TENM4: variants seen among roughly 807,000 people sequenced by gnomAD.
TENM4 encodes the protein teneurin transmembrane protein 4, also known as teneurin-4.
Under a neutral mutation model 243.3 loss-of-function variants are expected in TENM4, and 82 were observed. That is an observed-to-expected ratio of 0.34 (90% CI 0.28 to 0.40). The LOEUF is 0.40. Among genes scored for constraint, TENM4 ranks in the 10% least tolerant of loss-of-function variants. TENM4 has a pLI of 1.00. For synonymous variants in TENM4, 1,412 were observed against 1,456.3 expected (o/e 0.97, Z 0.69); for missense variants, 3,138 against 3,673.3 (o/e 0.85, Z 3.77).
intron 6 of TENM4, among the ~76,000 whole-genome samples, chr11:79,045,184 T>C (rs1859627763): frequency 6.6e-6 from 1 of 152,134 alleles, no homozygotes. Context: ...GTGAGAAAGT[T>C]GGCAGGAGCT....
intron 2 of TENM4, among the ~76,000 whole-genome samples, chr11:79,235,421 C>T (rs1357977665): frequency 1.3e-5 from 2 of 152,144 alleles, no homozygotes; most frequent in Admixed American, 6.5e-5. Context: ...AGACCTGGGA[C>T]GGATGAAGCT....
At chr11:79,285,375 TA>T (rs1856232132) in intron 2 of TENM4, among the ~76,000 whole-genome samples, 1 of 152,056 alleles carries the variant, frequency 6.6e-6, no homozygotes, top group Non-Finnish European at 1.5e-5. Context: ...GAAAAGGATG[TA>T]AAAAAATTGG....
At chr11:79,155,059 C>T (rs543554226) in intron 3 of TENM4, among the ~76,000 whole-genome samples, 5 of 152,306 alleles carry the variant, frequency 3.3e-5, no homozygotes, top group African/African-American at 1.2e-4. Flanking sequence ...TTCCCCTGCA[C>T]TCAGGGCCCT....
At chr11:79,104,743 G>A (rs1003006801) in intron 4 of TENM4, among the ~76,000 whole-genome samples, 3 of 152,232 alleles carry the variant, frequency 2.0e-5, no homozygotes, top group Admixed American at 1.3e-4. Flanking sequence ...CAAAGAGTAT[G>A]TGATATTACT....
chr11:78,792,811 C>T (rs757925363), intron 15 of TENM4, among the ~76,000 whole-genome samples: 1 of 152,140 alleles, frequency 6.6e-6, no homozygotes, highest in Non-Finnish European at 1.5e-5. Context: ...TTCTTAGAAA[C>T]TCATTTTCTC....
At chr11:79,222,786 G>C (rs186551455) in intron 2 of TENM4, among the ~76,000 whole-genome samples, 29 of 152,184 alleles carry the variant, frequency 1.9e-4, no homozygotes, top group Admixed American at 1.7e-3. Flanking sequence ...ACATTTGCTG[G>C]CTGCATAAAT....
intron 1 of TENM4, among the ~76,000 whole-genome samples, chr11:79,419,483 C>A (rs1042561529): frequency 2.0e-5 from 3 of 152,212 alleles, no homozygotes; most frequent in African/African-American, 7.2e-5. Context: ...GGCTACCTTG[C>A]TCTGTCTAGT....
chr11:79,064,778 A>G lies in TENM4; in HGVS notation c.453T>C (p.Asn151=). 1.3e-6 allele frequency: 2 copies of G among 1,551,598 alleles called. No individual in the cohort carries two copies. Among genetic ancestry groups the G allele is most frequent in the South Asian group, 2.4e-5 (2 of 84,054 alleles). The change falls in exon 6 of 34, where the codon AAT becomes AAC. Residue 151 remains asparagine, a synonymous_variant. Transcript: ENST00000278550. Reference sequence around the variant, plus strand: ...CATGCTCGGTGTCGGTGAGTGTGAGATTGGAATTGGCCCGGCTGGACAGGC... The same window carrying G: ...CATGCTCGGTGTCGGTGAGTGTGAGGTTGGAATTGGCCCGGCTGGACAGGC... ...SSCLSSRANS[N]LTLTDTEHEN...
At chr11:79,098,533 AC>A (rs1340289579) in intron 4 of TENM4, among the ~76,000 whole-genome samples, 1 of 152,136 alleles carries the variant, frequency 6.6e-6, no homozygotes, top group Non-Finnish European at 1.5e-5. Context: ...AGGAGGACTC[AC>A]CCTAAAGGTA....
At chr11:78,865,336 A>C (rs903348578) in intron 9 of TENM4, among the ~76,000 whole-genome samples, 7 of 152,192 alleles carry the variant, frequency 4.6e-5, no homozygotes, top group African/African-American at 1.7e-4. Flanking sequence ...CTATAATCCC[A>C]AACTCTTCCA....
At chr11:79,349,336 C>A (rs375796704) in intron 1 of TENM4, among the ~76,000 whole-genome samples, 1 of 152,128 alleles carries the variant, frequency 6.6e-6, no homozygotes, top group Non-Finnish European at 1.5e-5. Flanking sequence ...AAGATTTCAC[C>A]GACGTTTCCT....
intron 4 of TENM4, among the ~76,000 whole-genome samples, chr11:79,074,485 G>C (rs1860488426): frequency 6.6e-6 from 1 of 152,176 alleles, no homozygotes; most frequent in Admixed American, 6.5e-5. Context: ...ACCAACCTCT[G>C]GGTTCCCCAT....
At chr11:78,684,681 G>A (rs1017957218) in intron 29 of TENM4, among the ~76,000 whole-genome samples, 5 of 152,150 alleles carry the variant, frequency 3.3e-5, no homozygotes, top group Non-Finnish European at 5.9e-5. Flanking sequence ...ACCCAATTAG[G>A]TGTGTGACTG....
At chr11:79,318,557 C>T (rs1369375183) in intron 1 of TENM4, among the ~76,000 whole-genome samples, 2 of 151,866 alleles carry the variant, frequency 1.3e-5, no homozygotes, top group Admixed American at 6.6e-5. Context: ...ATCAAGTTGA[C>T]GTCATTGAAG....
intron 2 of TENM4, among the ~76,000 whole-genome samples, chr11:79,259,697 CCAT>C (rs1446354876): frequency 3.5e-5 from 5 of 142,784 alleles, no homozygotes; most frequent in African/African-American, 1.4e-4. Flanking sequence ...ATCCATCCAT[CCAT>C]CCATGCACAC....
At chr11:79,192,142 TG>T (rs543858101) in intron 3 of TENM4, among the ~76,000 whole-genome samples, 9 of 114,514 alleles carry the variant, frequency 7.9e-5, no homozygotes, top group African/African-American at 1.8e-4. Flanking sequence ...GGGAGGGAGG[TG>T]GGGGGGTCAG....
chr11:78,977,649 A>G (rs1282157369), intron 6 of TENM4, among the ~76,000 whole-genome samples: 2 of 152,244 alleles, frequency 1.3e-5, no homozygotes, highest in Admixed American at 6.5e-5. Flanking sequence ...CAAAACCACA[A>G]TGAAATACCA....
At chr11:78,970,627 C>T (rs1565148992) in intron 6 of TENM4, among the ~76,000 whole-genome samples, 1 of 152,136 alleles carries the variant, frequency 6.6e-6, no homozygotes, top group East Asian at 1.9e-4. Context: ...AGATCGTGGG[C>T]AAAGCAGTCC....
chr11:79,333,969 G>A (rs1336482358), intron 1 of TENM4, among the ~76,000 whole-genome samples: 1 of 152,130 alleles, frequency 6.6e-6, no homozygotes, highest in Non-Finnish European at 1.5e-5. Context: ...GGCTATTGCT[G>A]TGGACTATTG....
Sources: gnomAD v4.1 joint callset for allele counts (sites outside exome capture counted in the v4.1 genomes callset) on GRCh38, gnomAD v4.1.1 for gene constraint, MANE v1.5 for transcripts, NCBI Gene and HGNC (gene_info 2026-07-23, HGNC 2026-07-21) for gene names.